XRRA1: variants seen among roughly 807,000 people sequenced by gnomAD.
XRRA1 encodes X-ray radiation resistance-associated protein 1.
XRRA1 carries 69 observed loss-of-function variants against 80.2 expected under a neutral mutation model. The observed-to-expected ratio is 0.86, with a 90% CI of 0.71 to 1.05. XRRA1 has a LOEUF of 1.05. XRRA1 is among the 50% of genes least tolerant of loss of function. XRRA1 has a pLI of 0.00. For synonymous variants in XRRA1, 348 were observed against 389.9 expected (o/e 0.89, Z 1.27); for missense variants, 967 against 976.4 (o/e 0.99, Z 0.13).
intron 10 of XRRA1, among the ~76,000 whole-genome samples, chr11:74,903,153 T>TA (rs2053892837): frequency 6.6e-6 from 1 of 152,186 alleles, no homozygotes; most frequent in Non-Finnish European, 1.5e-5. Flanking sequence ...CTGAAGCAAC[T>TA]ATTTTGAAGA....
At chr11:74,911,507 T>TA (rs2055890197) in intron 8 of XRRA1, 1 of 152,182 alleles carries the variant, frequency 6.6e-6, no homozygotes. Flanking sequence ...TTTATGTAAC[T>TA]AGGCTTTCCA....
chr11:74,848,285 C>T lies in XRRA1; in HGVS notation c.1558G>A (p.Gly520Ser). The T allele has an allele frequency of 1.9e-6, 3 of 1,613,892 alleles. No individual in the cohort carries two copies. The highest frequency in any genetic ancestry group is 2.5e-6 in the Non-Finnish European group (3 of 1,179,874). The change falls in exon 15 of 19, where the codon GGC (glycine) becomes AGC (serine). Residue 520 changes from glycine (G) to serine (S), a missense_variant. Transcript: ENST00000684022. The part of the protein sequence containing the change: ...ESEMPTENLE[G>S]HSPSCRTFVP... ...AAGGTCCGGCAAGACGGGGAATGGC[C>T]TTCCAGGTTCTCAGTGGGCATCTCT...
chr11:74,940,650 T>C (rs778168753), intron 3 of XRRA1, 135 bp downstream of exon 3: 4 of 707,876 alleles, frequency 5.7e-6, no homozygotes, highest in East Asian at 2.7e-5. Flanking sequence ...TGGAGGCTAC[T>C]AGGACTGGAG....
chr11:74,906,500 A>G, intron 9 of XRRA1, 44 bp from the exon 10 acceptor site: 2 of 1,588,296 alleles, frequency 1.3e-6, no homozygotes, highest in Non-Finnish European at 1.7e-6. Flanking sequence ...CAATAATGAT[A>G]CCTCAGGATT....
intron 8 of XRRA1, among the ~76,000 whole-genome samples, chr11:74,910,443 G>C (rs1415329419): frequency 6.6e-6 from 1 of 152,128 alleles, no homozygotes; most frequent in Non-Finnish European, 1.5e-5. Context: ...CTCAAAACAA[G>C]CAATAGAGTA....
At chr11:74,886,915 C>T (rs796295925) in intron 10 of XRRA1, among the ~76,000 whole-genome samples, 7 of 152,246 alleles carry the variant, frequency 4.6e-5, no homozygotes, top group South Asian at 2.1e-4. Flanking sequence ...TAATGCCACA[C>T]GCCTACAACC....
intron 10 of XRRA1, among the ~76,000 whole-genome samples, chr11:74,890,067 G>C (rs1173376477): frequency 6.6e-6 from 1 of 152,168 alleles, no homozygotes; most frequent in African/African-American, 2.4e-5. Flanking sequence ...GACATCTACA[G>C]AACTCTCCAC....
rs529017013 is a variant in XRRA1 at position 74,907,410 on chromosome 11, C to T, written c.657-137G>A. 8 of 1,075,184 alleles carry T rather than the reference C, an allele frequency of 7.4e-6. No homozygotes were observed. The African/African-American group carries it at 7.9e-5, about 11-fold the overall frequency. 66.6% of individuals were successfully genotyped at this position (1,075,184 alleles called of 1,614,324 possible). ...CGGTTCTAGTGCCCAAAAGAGGTCC[C>T]CATAGGGATGCACAGAAAGTATAAT... On this transcript the variant is annotated intron_variant, in intron 8 of 18. Transcript: ENST00000684022.
intron 10 of XRRA1, among the ~76,000 whole-genome samples, chr11:74,873,155 G>T (rs2045261297): frequency 6.6e-6 from 1 of 152,160 alleles, no homozygotes; most frequent in East Asian, 1.9e-4. Context: ...GGATCCCACT[G>T]CTTTTCTTAA....
Position 74,859,168 on chromosome 11 carries a change from G to A in XRRA1, c.1160C>T (p.Ala387Val). Residue 387 changes from alanine (A) to valine (V), a missense_variant, in exon 12 of 19, where the codon GCC becomes GTC. By Grantham distance (64) the Ala-to-Val change is moderately conservative (BLOSUM62 0). Transcript: ENST00000684022. ...PFPELRYLSLAYNKIAKEDAV... is the reference protein window; with the variant it reads ...PFPELRYLSLVYNKIAKEDAV... ...GGAGCAGAAAGTCACCTTGTTGTAG[G>A]CCAGGCTAAGGTATCTCAGCTCTGG... 1 of 1,600,828 alleles carries A rather than the reference G, an allele frequency of 6.2e-7. No individual in the cohort carries two copies. The highest frequency in any genetic ancestry group is 1.8e-5 in the Admixed American group (1 of 56,314).
chr11:74,845,670 C>T (rs1250257794), intron 15 of XRRA1, among the ~76,000 whole-genome samples: 1 of 152,184 alleles, frequency 6.6e-6, no homozygotes, highest in African/African-American at 2.4e-5. Context: ...CATCAAGGTG[C>T]ATTTTCGGGG....
intron 8 of XRRA1, among the ~76,000 whole-genome samples, chr11:74,914,178 G>T (rs527287447): frequency 2.0e-5 from 3 of 152,160 alleles, no homozygotes; most frequent in Non-Finnish European, 2.9e-5. Context: ...TAGAGACAGG[G>T]TTTTGCCACA....
At chr11:74,948,124 T>A (rs1285282315) in intron 1 of XRRA1, among the ~76,000 whole-genome samples, 1 of 152,244 alleles carries the variant, frequency 6.6e-6, no homozygotes, top group African/African-American at 2.4e-5. Flanking sequence ...AGTAAGAAAC[T>A]CAAAAATATT....
intron 8 of XRRA1, chr11:74,913,586 A>G (rs1366370494): frequency 2.6e-5 from 4 of 152,230 alleles, no homozygotes; most frequent in Admixed American, 2.0e-4. Context: ...ATTAATAAGA[A>G]CTACCAAAAG....
At chr11:74,863,922 A>G (rs1324665665) in intron 10 of XRRA1, 1 of 152,138 alleles carries the variant, frequency 6.6e-6, no homozygotes, top group African/African-American at 2.4e-5. Context: ...CCTAGAAAAC[A>G]ACAGCACCTC....
chr11:74,851,196 AGGGACCCCT>A lies in XRRA1; in HGVS notation c.1265-2_1271del. 6.2e-7 allele frequency: 1 copy of A among 1,607,002 alleles called. No individual in the cohort carries two copies. The highest frequency in any genetic ancestry group is 8.5e-7 in the Non-Finnish European group (1 of 1,177,352). ...CCTGGAGGAAGCTCTTCAGCAGTGG[AGGGACCCCT>A]GGTGCCATGATGGGAAAATAAGATT... On this transcript the variant is annotated splice_acceptor_variant and coding_sequence_variant, in exon 14 of 19. Coordinates refer to ENST00000684022, the MANE Select transcript of XRRA1 (RefSeq NM_001378157.1). LOFTEE classifies it high-confidence loss of function.
At position 74,841,444 on chromosome 11, in the gene XRRA1, G is replaced by C. The variant is rs2036528748; in HGVS notation, c.*1756C>G. On this transcript the variant is annotated 3_prime_UTR_variant, in exon 19 of 19. Coordinates refer to ENST00000684022, the MANE Select transcript of XRRA1 (RefSeq NM_001378157.1). ...GAAAAGAGACTAAGATATATGCAAG[G>C]GTCACCAGTTTAGAGATCAGTCAAA... is the stretch of plus-strand genomic sequence containing the variant. 1 of 152,106 alleles carries C rather than the reference G, an allele frequency of 6.6e-6. No individual in the cohort carries two copies. The highest frequency in any genetic ancestry group is 2.1e-4 in the South Asian group (1 of 4,822). 9.4% of individuals were successfully genotyped at this position (152,106 alleles called of 1,614,324 possible). A position where few individuals can be genotyped will look rare whatever the true frequency, so the allele number is the denominator to read the frequency against.
intron 3 of XRRA1, among the ~76,000 whole-genome samples, chr11:74,939,646 A>C (rs905200246): frequency 5.3e-5 from 8 of 152,216 alleles, no homozygotes; most frequent in Non-Finnish European, 1.0e-4. Context: ...TTCTCCAAGA[A>C]GCCCATGTTC....
In XRRA1 at chr11:74,938,509, C is replaced by T. The variant is rs947838682; in HGVS notation, c.95-1441G>A. On this transcript the variant is annotated intron_variant, in intron 3 of 18. Coordinates refer to ENST00000684022, the MANE Select transcript of XRRA1 (RefSeq NM_001378157.1). ...TCCTGTTTCTCATCATACTTTTACC[C>T]ACTTATTCTAGTATCTGTGATGGTT... Among the ~76,000 whole-genome samples, 3 of 152,186 alleles carry T rather than the reference C, an allele frequency of 2.0e-5. No individual in the cohort carries two copies. In the East Asian group the frequency reaches 5.8e-4, roughly 29 times the overall value.
Sources: gnomAD v4.1 joint callset for allele counts (sites outside exome capture counted in the v4.1 genomes callset) on GRCh38, gnomAD v4.1.1 for gene constraint, MANE v1.5 for transcripts, NCBI Gene and HGNC (gene_info 2026-07-23, HGNC 2026-07-21) for gene names.